Variants in P3H2 observed in about 807,000 individuals in gnomAD.
P3H2 encodes prolyl 3-hydroxylase 2.
In P3H2, 80 loss-of-function variants were observed where a neutral mutation model predicts 87.0. The observed-to-expected ratio is 0.92, with a 90% CI of 0.77 to 1.11. The LOEUF (loss-of-function observed/expected upper bound fraction) is 1.11. Ranked by LOEUF, P3H2 falls within the 50% of genes least tolerant of loss-of-function variation. The pLI is 0.00. For synonymous variants in P3H2, 367 were observed against 359.3 expected (o/e 1.02, Z -0.24); for missense variants, 1,001 against 923.9 (o/e 1.08, Z -1.08).
Position 189,974,670 on chromosome 3 carries a change from T to A in P3H2, c.1340A>T (p.Tyr447Phe). Reference protein sequence around the residue: ...RDLREGGPLLYENITFVYNSE... With the variant: ...RDLREGGPLLFENITFVYNSE... Reference sequence around the variant, plus strand: ...GTTGTAGACGAATGTGATGTTCTCATAGAGTAGAGGACCACCTACAGGAAC... The same window carrying A: ...GTTGTAGACGAATGTGATGTTCTCAAAGAGTAGAGGACCACCTACAGGAAC... Residue 447 changes from tyrosine (Y) to phenylalanine (F), a missense_variant, in exon 9 of 15, where the codon TAT becomes TTT. Tyr to Phe is a conservative substitution (Grantham distance 22). Coordinates refer to ENST00000319332, the MANE Select transcript of P3H2 (RefSeq NM_018192.4). The A allele has an allele frequency of 1.2e-6, 2 of 1,614,186 alleles. No individual in the cohort carries two copies. Among genetic ancestry groups the A allele is most frequent in the Non-Finnish European group, 1.7e-6 (2 of 1,180,040 alleles).
chr3:190,033,118 C>A (rs1247145224), intron 1 of P3H2, among the ~76,000 whole-genome samples: 1 of 152,130 alleles, frequency 6.6e-6, no homozygotes, highest in Non-Finnish European at 1.5e-5. Flanking sequence ...CGCTCGCGCT[C>A]CTAAGAGAAT....
intron 1 of P3H2, among the ~76,000 whole-genome samples, chr3:190,051,501 T>G (rs2693028): frequency 0.82 from 123,895 of 151,664 alleles, 50,793 homozygotes; most frequent in East Asian, 0.88. Context: ...TAATAAGAAG[T>G]CCTTGCTTAA....
intron 1 of P3H2, among the ~76,000 whole-genome samples, chr3:190,105,885 G>C (rs1180166279): frequency 6.6e-6 from 1 of 152,254 alleles, no homozygotes; most frequent in South Asian, 2.1e-4. Flanking sequence ...AGATTAAATT[G>C]CTTGATTCCT....
At chr3:189,994,350 T>C (rs1393200956) in intron 2 of P3H2, 67 bp from the exon 3 acceptor site, 1 of 1,359,296 alleles carries the variant, frequency 7.4e-7, no homozygotes, top group African/African-American at 1.4e-5. Flanking sequence ...ACCCTTATTT[T>C]CAAAGAGAAG....
chr3:189,974,750 C>T (rs1723298206), intron 8 of P3H2, 65 bp from the exon 9 acceptor site: 6 of 1,596,064 alleles, frequency 3.8e-6, no homozygotes, highest in Non-Finnish European at 5.2e-6. Context: ...CACAGAATAC[C>T]AAACAGCTTT....
At chr3:189,987,113 T>C (rs1394451499) in intron 5 of P3H2, among the ~76,000 whole-genome samples, 1 of 152,176 alleles carries the variant, frequency 6.6e-6, no homozygotes, top group South Asian at 2.1e-4. Context: ...CTTTGCTAAA[T>C]TGTTAGACAT....
At chr3:190,047,028 A>G (rs1465380288) in intron 1 of P3H2, among the ~76,000 whole-genome samples, 2 of 93,180 alleles carry the variant, frequency 2.1e-5, no homozygotes, top group African/African-American at 4.9e-5. Flanking sequence ...AAGAAACTCA[A>G]TAGCAAACAA....
At chr3:189,969,445 T>C in intron 13 of P3H2, 1 of 852,966 alleles carries the variant, frequency 1.2e-6, no homozygotes, top group Non-Finnish European at 2.0e-6. Context: ...TGGCCCCCAT[T>C]GGAATATGGC....
chr3:189,975,477 G>A (rs1272980030), intron 8 of P3H2, among the ~76,000 whole-genome samples: 2 of 152,162 alleles, frequency 1.3e-5, no homozygotes, highest in Non-Finnish European at 2.9e-5. Context: ...ATCTTCTGGT[G>A]TAGCATAGTG....
chr3:190,093,360 C>T (rs1212876706), intron 1 of P3H2, among the ~76,000 whole-genome samples: 1 of 152,082 alleles, frequency 6.6e-6, no homozygotes, highest in Non-Finnish European at 1.5e-5. Flanking sequence ...CCCTTCTATA[C>T]ACGTGACTAG....
intron 1 of P3H2, among the ~76,000 whole-genome samples, chr3:190,027,329 C>T (rs1416998208): frequency 6.6e-6 from 1 of 152,196 alleles, no homozygotes; most frequent in African/African-American, 2.4e-5. Context: ...CATTTTATCT[C>T]TGTGTTCTAT....
At chr3:190,058,938 T>A (rs1726251915) in intron 1 of P3H2, among the ~76,000 whole-genome samples, 1 of 152,196 alleles carries the variant, frequency 6.6e-6, no homozygotes, top group African/African-American at 2.4e-5. Flanking sequence ...CTGCTATCCT[T>A]TCAGCTTAGT....
At chr3:189,977,417 C>A (rs1196738720) in intron 8 of P3H2, among the ~76,000 whole-genome samples, 2 of 152,174 alleles carry the variant, frequency 1.3e-5, no homozygotes, top group Admixed American at 6.5e-5. Flanking sequence ...AGTCCAACAA[C>A]TTTTTGGGAA....
Position 190,037,409 on chromosome 3 carries a change from TC to T in P3H2, c.481-41968del, listed in dbSNP as rs528914113. ...TACACAATTTTATGTGCTTCATAGA[TC>T]CCTAAGCTTCAGGAAAAATATGGAC... On this transcript the variant is annotated intron_variant, in intron 1 of 14. Coordinates refer to ENST00000319332, the MANE Select transcript of P3H2 (RefSeq NM_018192.4). Among the ~76,000 whole-genome samples, 247 of 152,246 alleles carry T rather than the reference TC, an allele frequency of 1.6e-3. 3 individuals are homozygous for T. The highest frequency in any genetic ancestry group is 1.4e-3 in the East Asian group (7 of 5,178).
At chr3:190,029,041 C>T (rs1238402077) in intron 1 of P3H2, among the ~76,000 whole-genome samples, 2 of 152,176 alleles carry the variant, frequency 1.3e-5, no homozygotes, top group Non-Finnish European at 2.9e-5. Flanking sequence ...ATTTACATGA[C>T]TTAAAGAAAA....
chr3:190,009,078 T>G (rs776760777), intron 1 of P3H2, among the ~76,000 whole-genome samples: 1 of 152,132 alleles, frequency 6.6e-6, no homozygotes, highest in Non-Finnish European at 1.5e-5. Flanking sequence ...GCAGAGGTGC[T>G]GGGAAGGGCA....
intron 1 of P3H2, among the ~76,000 whole-genome samples, chr3:190,083,657 G>C (rs964702550): frequency 6.6e-6 from 1 of 152,186 alleles, no homozygotes; most frequent in African/African-American, 2.4e-5. Context: ...AATTAACTGA[G>C]TATAAGAATC....
chr3:189,969,362 TTGTCCCCTTTGAA>T, intron 13 of P3H2: 1 of 819,236 alleles, frequency 1.2e-6, no homozygotes. Flanking sequence ...GTTGTGACCA[TTGTCCCCTTTGAA>T]TGTCACCAGA....
chr3:189,977,738 C>G (rs1723394755), intron 8 of P3H2, among the ~76,000 whole-genome samples: 1 of 151,716 alleles, frequency 6.6e-6, no homozygotes, highest in Non-Finnish European at 1.5e-5. Flanking sequence ...GTAGCTGGGA[C>G]TATAGGCACG....
Sources: allele counts gnomAD v4.1 joint callset (sites outside exome capture counted in the v4.1 genomes callset), GRCh38; gene constraint gnomAD v4.1.1; transcripts MANE v1.5; gene names NCBI Gene and HGNC (gene_info 2026-07-23, HGNC 2026-07-21).